MGAT4C: variants seen among roughly 807,000 people sequenced by gnomAD.
MGAT4C encodes MGAT4 family member C, also known as alpha-1,3-mannosyl-glycoprotein 4-beta-N-acetylglucosaminyltransferase C.
A neutral mutation model predicts 40.1 loss-of-function variants in MGAT4C; 19 were observed. The observed-to-expected ratio is 0.47, with a 90% confidence interval of 0.33 to 0.70. MGAT4C has a LOEUF of 0.70. Among genes scored for constraint, MGAT4C ranks in the 30% least tolerant of loss-of-function variants. The pLI is 0.02. For synonymous variants in MGAT4C, 181 were observed against 187.1 expected (o/e 0.97, Z 0.27); for missense variants, 491 against 563.2 (o/e 0.87, Z 1.30).
chr12:86,010,694 C>CAAACA, intron 2 of MGAT4C, among the ~76,000 whole-genome samples: 1 of 60,264 alleles, frequency 1.7e-5, no homozygotes, highest in African/African-American at 5.5e-5. Context: ...ACAAACAAAC[C>CAAACA]AACAAACAAA....
chr12:86,200,138 T>G (rs1467221404), intron 1 of MGAT4C, among the ~76,000 whole-genome samples: 4 of 84,840 alleles, frequency 4.7e-5, no homozygotes, highest in Non-Finnish European at 9.5e-5. Flanking sequence ...TTTTTTTTTT[T>G]TTTTTTTTTG....
At chr12:86,719,115 C>T (rs1950696928) in intron 2 of MGAT4C, among the ~76,000 whole-genome samples, 1 of 152,178 alleles carries the variant, frequency 6.6e-6, no homozygotes, top group Admixed American at 6.6e-5. Flanking sequence ...AACATAGCCC[C>T]TACCTCTTAA....
chr12:86,548,649 T>C (rs1469047386), intron 2 of MGAT4C, among the ~76,000 whole-genome samples: 1 of 151,714 alleles, frequency 6.6e-6, no homozygotes, highest in Admixed American at 6.6e-5. Context: ...GAGCACAGAG[T>C]CTGCAGACAC....
In MGAT4C at chr12:86,454,515, C is replaced by G. The variant is rs145829038; in HGVS notation, c.-228-19250G>C. 9.8e-3 allele frequency among the ~76,000 whole-genome samples: 1,486 copies of G among 152,218 alleles called. 17 individuals carry two copies. Among genetic ancestry groups the G allele is most frequent in the Middle Eastern group, 0.02 (6 of 294 alleles). On this transcript the variant is annotated intron_variant, in intron 2 of 7. Transcript: ENST00000548651. ...ATGCTGAGATTACAAGCATGAGTCA[C>G]TGTGGCTGGCCTCATATATGTAACT... is the stretch of plus-strand genomic sequence containing the variant.
At chr12:86,029,044 T>C (rs1185971678) in intron 2 of MGAT4C, among the ~76,000 whole-genome samples, 3 of 151,940 alleles carry the variant, frequency 2.0e-5, no homozygotes, top group Admixed American at 6.6e-5. Flanking sequence ...ATTGAAATGA[T>C]TAAAGACAAA....
intron 2 of MGAT4C, among the ~76,000 whole-genome samples, chr12:86,517,803 G>A (rs113579550): frequency 0.02 from 3,043 of 152,100 alleles, 123 homozygotes; most frequent in Admixed American, 0.11. Context: ...CCGCCACCAC[G>A]CCCGGCTAAT....
intron 1 of MGAT4C, among the ~76,000 whole-genome samples, chr12:86,184,721 A>T (rs1280353269): frequency 1.4e-4 from 11 of 80,292 alleles, no homozygotes; most frequent in East Asian, 3.2e-4. Flanking sequence ...TTCCTGCCTT[A>T]TTTCTTTTTC....
intron 1 of MGAT4C, among the ~76,000 whole-genome samples, chr12:86,758,735 G>A (rs1951349906): frequency 6.6e-6 from 1 of 151,970 alleles, no homozygotes; most frequent in Non-Finnish European, 1.5e-5. Context: ...ATTTTGTTAT[G>A]CAAAATTGGT....
At chr12:86,048,108 C>T (rs1157046540) in intron 2 of MGAT4C, among the ~76,000 whole-genome samples, 1 of 151,960 alleles carries the variant, frequency 6.6e-6, no homozygotes, top group African/African-American at 2.4e-5. Flanking sequence ...TTTCTTAACA[C>T]AAATGGAATA....
intron 2 of MGAT4C, among the ~76,000 whole-genome samples, chr12:86,675,903 G>A (rs1593103787): frequency 6.6e-6 from 1 of 150,434 alleles, no homozygotes; most frequent in African/African-American, 2.5e-5. Context: ...ACCCTAACCA[G>A]TCTATCAAAT....
chr12:86,228,425 G>A (rs1175736183), intron 1 of MGAT4C, among the ~76,000 whole-genome samples: 1 of 151,734 alleles, frequency 6.6e-6, no homozygotes, highest in African/African-American at 2.4e-5. Context: ...AAATATTTTT[G>A]TAGCAATATT....
intron 3 of MGAT4C, among the ~76,000 whole-genome samples, chr12:86,417,669 T>C (rs1349430754): frequency 6.6e-6 from 1 of 152,144 alleles, no homozygotes; most frequent in South Asian, 2.1e-4. Flanking sequence ...TTACATTCTT[T>C]GAATGAGATA....
intron 2 of MGAT4C, among the ~76,000 whole-genome samples, chr12:86,605,286 A>C (rs1962004618): frequency 6.6e-6 from 1 of 152,044 alleles, no homozygotes; most frequent in Non-Finnish European, 1.5e-5. Context: ...TATATATATT[A>C]GTCAGTTTCA....
At chr12:86,669,362 A>C (rs1420401568) in intron 2 of MGAT4C, among the ~76,000 whole-genome samples, 1 of 152,166 alleles carries the variant, frequency 6.6e-6, no homozygotes, top group Admixed American at 6.5e-5. Context: ...ATCTCCAGGC[A>C]TTCAGAGCAC....
intron 3 of MGAT4C, among the ~76,000 whole-genome samples, chr12:86,375,586 C>A (rs1231941304): frequency 1.3e-5 from 2 of 151,860 alleles, no homozygotes; most frequent in Non-Finnish European, 1.5e-5. Context: ...CAAATTCTTC[C>A]AAACTAGGAT....
At chr12:86,259,197 G>A (rs1952604508), upstream of MGAT4C, among the ~76,000 whole-genome samples, 1 of 151,860 alleles carries the variant, frequency 6.6e-6, no homozygotes, top group African/African-American at 2.4e-5. Context: ...TGATTTTTTA[G>A]TGGTGTTTCT....
intron 1 of MGAT4C, among the ~76,000 whole-genome samples, chr12:86,770,663 C>T (rs1360742985): frequency 6.6e-6 from 1 of 151,962 alleles, no homozygotes; most frequent in Admixed American, 6.6e-5. Context: ...ATATGTTAAA[C>T]ACCATAAGCA....
At chr12:86,836,614 G>T (rs767750726) in intron 1 of MGAT4C, among the ~76,000 whole-genome samples, 93 of 152,200 alleles carry the variant, frequency 6.1e-4, no homozygotes, top group Non-Finnish European at 6.3e-4. Flanking sequence ...CCTATGGGGA[G>T]GCAAGAGACA....
intron 1 of MGAT4C, among the ~76,000 whole-genome samples, chr12:86,789,611 A>G (rs2136191568): frequency 6.6e-6 from 1 of 152,250 alleles, no homozygotes; most frequent in South Asian, 2.1e-4. Flanking sequence ...TTATCTGTGA[A>G]CATGGTAAAG....
Sources: gnomAD v4.1 joint callset for allele counts (sites outside exome capture counted in the v4.1 genomes callset) on GRCh38, gnomAD v4.1.1 for gene constraint, MANE v1.5 for transcripts, NCBI Gene and HGNC (gene_info 2026-07-23, HGNC 2026-07-21) for gene names.